The following PIGN variants were observed in gnomAD, a reference collection of about 807,000 sequenced individuals.
The protein encoded by PIGN is phosphatidylinositol glycan anchor biosynthesis class N, also known as GPI ethanolamine phosphate transferase 1.
In PIGN, 117 loss-of-function variants were observed where a neutral mutation model predicts 125.4. The ratio of observed to expected loss-of-function variants is 0.93; its 90% CI spans 0.80 to 1.09. The LOEUF (loss-of-function observed/expected upper bound fraction) is 1.09, where lower values mean the gene tolerates loss of function less well. Among genes scored for constraint, PIGN ranks in the 50% least tolerant of loss-of-function variants. The probability of loss-of-function intolerance (pLI) is 0.00; values close to 1 mark genes in which losing one functional copy is unlikely to be tolerated. For missense variants in PIGN, 1,075 were observed against 1,094.9 expected, an observed-to-expected ratio of 0.98 and a Z score of 0.26; for synonymous variants, 392 against 377.8, an observed-to-expected ratio of 1.04 and a Z score of -0.44.
intron 11 of PIGN, among the ~76,000 whole-genome samples, chr18:62,142,110 A>G (rs1024117889): frequency 2.0e-5 from 3 of 152,240 alleles, no homozygotes; most frequent in Non-Finnish European, 2.9e-5. Context: ...GTTTACATGT[A>G]TTTGTACAAC....
intron 16 of PIGN, chr18:62,112,624 A>G (rs1191697541): frequency 6.6e-6 from 1 of 152,538 alleles, no homozygotes; most frequent in Non-Finnish European, 1.5e-5. Context: ...ATACTTGGAG[A>G]GGTCTAGAAA....
intron 5 of PIGN, 41 bp from the exon 6 acceptor site, chr18:62,157,268 G>C: frequency 1.0e-6 from 1 of 974,900 alleles, no homozygotes; most frequent in Non-Finnish European, 1.6e-6. Flanking sequence ...TATACACATG[G>C]TACAATAAGC....
intron 14 of PIGN, 37 bp downstream of exon 14, chr18:62,138,206 T>C (rs1197414698): frequency 5.9e-6 from 9 of 1,537,818 alleles, no homozygotes; most frequent in Admixed American, 2.1e-5. Flanking sequence ...TGGAAAATTC[T>C]TTCCTTCAAG....
chr18:62,026,219 G>A (rs576180211), intron 23 of PIGN, among the ~76,000 whole-genome samples: 20 of 152,198 alleles, frequency 1.3e-4, no homozygotes, highest in Admixed American at 5.2e-4. Context: ...ATGCTTAGGC[G>A]CTAAGGAAGC....
chr18:62,024,519 T>C (rs615062), intron 23 of PIGN, among the ~76,000 whole-genome samples: 33,303 of 152,160 alleles, frequency 0.22, 3,957 homozygotes, highest in Middle Eastern at 0.35. Flanking sequence ...GGTTCTCCTC[T>C]TTTTCCTCCT....
intron 14 of PIGN, among the ~76,000 whole-genome samples, chr18:62,133,570 C>T (rs914586336): frequency 3.3e-5 from 5 of 151,880 alleles, no homozygotes; most frequent in Admixed American, 6.6e-5. Context: ...TGGAGAGGAC[C>T]GACATTTTTA....
chr18:62,057,738 C>A (rs1208776357), intron 30 of PIGN, among the ~76,000 whole-genome samples: 3 of 152,238 alleles, frequency 2.0e-5, no homozygotes, highest in Admixed American at 1.3e-4. Context: ...AATATCTACT[C>A]TATGAATTCT....
chr18:62,159,477 T>A (rs1296821344), intron 4 of PIGN, among the ~76,000 whole-genome samples: 1 of 152,238 alleles, frequency 6.6e-6, no homozygotes, highest in Non-Finnish European at 1.5e-5. Context: ...TTTCTCTCTT[T>A]CCTTTGGCAA....
intron 23 of PIGN, among the ~76,000 whole-genome samples, chr18:62,034,678 G>A (rs1009711505): frequency 2.0e-5 from 3 of 152,142 alleles, no homozygotes; most frequent in South Asian, 2.1e-4. Context: ...TAGCTCCTTC[G>A]TTTTGGCCAA....
Position 62,078,147 on chromosome 18 carries a change from T to G in PIGN, c.2577-3326A>C, listed in dbSNP as rs377206305. ...TAGGGGACACAAATCAGCCCCTAACTGGGTGTGAAACAGAAAAGTAAGAAA... is the reference window on the plus strand; with the variant it reads ...TAGGGGACACAAATCAGCCCCTAACGGGGTGTGAAACAGAAAAGTAAGAAA... On this transcript the variant is annotated intron_variant, in intron 28 of 30. Coordinates refer to ENST00000640252, the MANE Select transcript of PIGN (RefSeq NM_176787.5). Among the ~76,000 whole-genome samples, 11 of 152,276 alleles carry G rather than the reference T, an allele frequency of 7.2e-5. No homozygotes were observed. In the East Asian group the frequency reaches 1.9e-3, roughly 27 times the overall value.
chr18:62,047,508 G>C (rs2030828838), intron 30 of PIGN, among the ~76,000 whole-genome samples: 1 of 152,194 alleles, frequency 6.6e-6, no homozygotes, highest in African/African-American at 2.4e-5. Flanking sequence ...TGCATGGGAG[G>C]CAAAGGGGAC....
intron 11 of PIGN, among the ~76,000 whole-genome samples, chr18:62,141,723 A>T (rs1029504069): frequency 2.0e-5 from 3 of 152,076 alleles, no homozygotes; most frequent in African/African-American, 7.2e-5. Flanking sequence ...ACATCGTGTC[A>T]CTCTCTAGGC....
chr18:62,104,839 TAA>T (rs1362751002), intron 20 of PIGN, among the ~76,000 whole-genome samples: 2 of 152,080 alleles, frequency 1.3e-5, no homozygotes, highest in Non-Finnish European at 2.9e-5. Context: ...GATTAGACAA[TAA>T]GAGAGGAAAT....
chr18:62,090,962 G>T (rs370509467), intron 23 of PIGN, among the ~76,000 whole-genome samples: 9 of 152,024 alleles, frequency 5.9e-5, no homozygotes, highest in African/African-American at 2.2e-4. Flanking sequence ...AAAAATGGGC[G>T]CAACAAGAAC....
At chr18:62,163,815 T>C (rs924178681) in intron 1 of PIGN, among the ~76,000 whole-genome samples, 159 bp from the exon 2 acceptor site, 8 of 152,240 alleles carry the variant, frequency 5.3e-5, no homozygotes, top group Admixed American at 5.2e-4. Flanking sequence ...ATTCTATATA[T>C]ACGCATTAAA....
chr18:62,075,334 A>T (rs2033115350), intron 28 of PIGN: 1 of 152,386 alleles, frequency 6.6e-6, no homozygotes, highest in South Asian at 2.1e-4. Flanking sequence ...CTCACCCCTG[A>T]GAGCCACTAA....
At chr18:62,081,737 T>C (rs1467538559) in intron 28 of PIGN, among the ~76,000 whole-genome samples, 4 of 152,164 alleles carry the variant, frequency 2.6e-5, no homozygotes, top group Non-Finnish European at 5.9e-5. Context: ...TTTTATTGCA[T>C]CTAAGTAAAT....
intron 11 of PIGN, among the ~76,000 whole-genome samples, chr18:62,142,814 C>T (rs1365652767): frequency 6.6e-6 from 1 of 152,202 alleles, no homozygotes; most frequent in Non-Finnish European, 1.5e-5. Context: ...ATTGGCTATA[C>T]ATTTTCCTCT....
intron 19 of PIGN, 58 bp downstream of exon 19, chr18:62,106,731 A>G: frequency 9.4e-7 from 1 of 1,063,468 alleles, no homozygotes; most frequent in African/African-American, 1.6e-5. Context: ...CTTGAGTTAC[A>G]CATGTGTCAA....
Sources: allele counts gnomAD v4.1 joint callset (sites outside exome capture counted in the v4.1 genomes callset), GRCh38; gene constraint gnomAD v4.1.1; transcripts MANE v1.5; gene names NCBI Gene and HGNC (gene_info 2026-07-23, HGNC 2026-07-21).